Variants in KLHL29 observed in about 807,000 individuals in gnomAD.
The protein encoded by KLHL29 is kelch-like protein 29.
In KLHL29, 21 loss-of-function variants were observed where a neutral mutation model predicts 80.4. The ratio of observed to expected loss-of-function variants is 0.26; its 90% CI spans 0.19 to 0.38. KLHL29 has a LOEUF of 0.38. Among genes scored for constraint, KLHL29 ranks in the 10% least tolerant of loss-of-function variants. KLHL29 has a pLI of 1.00. For missense variants in KLHL29, 867 were observed against 1,223.9 expected, an observed-to-expected ratio of 0.71 and a Z score of 4.35; for synonymous variants, 511 against 526.8, an observed-to-expected ratio of 0.97 and a Z score of 0.41.
intron 1 of KLHL29, among the ~76,000 whole-genome samples, chr2:23,465,027 T>A (rs1433292225): frequency 2.6e-5 from 4 of 152,230 alleles, no homozygotes; most frequent in Non-Finnish European, 1.5e-5. Context: ...ACAGATCGCT[T>A]AATTTGCTTC....
chr2:23,439,486 G>A lies in KLHL29; in HGVS notation c.-153-36074G>A, dbSNP rs1292210244. 1.2e-4 allele frequency among the ~76,000 whole-genome samples: 18 copies of A among 150,042 alleles called. 1 individual carries two copies. The highest frequency in any genetic ancestry group is 3.4e-4 in the African/African-American group (14 of 40,704). ...TCCCTCTACACACTGCTTTGAATGT[G>A]TCCCAGAGATTCTGGTATGTTGTGT... On this transcript the variant is annotated intron_variant, in intron 1 of 13. Coordinates refer to ENST00000486442, the MANE Select transcript of KLHL29 (RefSeq NM_052920.2).
intron 1 of KLHL29, among the ~76,000 whole-genome samples, chr2:23,411,826 G>A (rs985381012): frequency 2.6e-5 from 4 of 152,104 alleles, no homozygotes; most frequent in African/African-American, 7.2e-5. Flanking sequence ...TCTAATCTGA[G>A]TCACTTAGGG....
chr2:23,646,026 G>C (rs1476357836), intron 5 of KLHL29, among the ~76,000 whole-genome samples: 1 of 149,822 alleles, frequency 6.7e-6, no homozygotes, highest in East Asian at 1.9e-4. Flanking sequence ...GAACAATTTG[G>C]GGGTGGGAGC....
intron 1 of KLHL29, among the ~76,000 whole-genome samples, chr2:23,426,584 G>T (rs765680055): frequency 6.6e-6 from 1 of 152,188 alleles, no homozygotes; most frequent in Non-Finnish European, 1.5e-5. Context: ...GCAAATAAAC[G>T]CCCAATCTGC....
At chr2:23,638,862 A>G (rs1351238391) in intron 3 of KLHL29, among the ~76,000 whole-genome samples, 7 of 152,148 alleles carry the variant, frequency 4.6e-5, no homozygotes, top group Non-Finnish European at 1.0e-4. Context: ...AGGTGGAGTG[A>G]GTGGCCACGG....
Position 23,693,342 on chromosome 2 carries a change from C to T in KLHL29, c.1356C>T (p.Tyr452=). 1 of 1,551,516 alleles carries T rather than the reference C, an allele frequency of 6.4e-7. No individual in the cohort carries two copies. The highest frequency in any genetic ancestry group is 8.7e-7 in the Non-Finnish European group (1 of 1,146,970). ...AGGCCATGCAGTGCAGCGAGCTCTA[C>T]CACATGGCCAAGGCCTTCGCGCTGC... The part of the protein sequence containing the change: ...MAEAMQCSEL[Y]HMAKAFALQI... The change falls in exon 8 of 14, where the codon TAC becomes TAT. Residue 452 remains tyrosine, a synonymous_variant. Coordinates refer to ENST00000486442, the MANE Select transcript of KLHL29 (RefSeq NM_052920.2).
chr2:23,671,151 G>A (rs1159595533), intron 5 of KLHL29, among the ~76,000 whole-genome samples: 2 of 151,612 alleles, frequency 1.3e-5, no homozygotes, highest in East Asian at 3.9e-4. Context: ...TAACTAAACT[G>A]ATTGTACTCC....
At chr2:23,541,193 G>A (rs957457618) in intron 2 of KLHL29, among the ~76,000 whole-genome samples, 1 of 152,270 alleles carries the variant, frequency 6.6e-6, no homozygotes, top group African/African-American at 2.4e-5. Flanking sequence ...CAAAGTATCT[G>A]AACAGATGTT....
At chr2:23,544,074 T>G (rs1356296006) in intron 2 of KLHL29, among the ~76,000 whole-genome samples, 1 of 152,190 alleles carries the variant, frequency 6.6e-6, no homozygotes, top group Non-Finnish European at 1.5e-5. Context: ...AATTCATTTC[T>G]TTGACATAAC....
intron 2 of KLHL29, among the ~76,000 whole-genome samples, chr2:23,557,741 A>G (rs969353526): frequency 1.3e-5 from 2 of 152,142 alleles, no homozygotes; most frequent in African/African-American, 2.4e-5. Flanking sequence ...GGCCGCCCTC[A>G]GTGCGTACCC....
At chr2:23,466,506 T>C (rs1327749794) in intron 1 of KLHL29, among the ~76,000 whole-genome samples, 1 of 152,222 alleles carries the variant, frequency 6.6e-6, no homozygotes, top group East Asian at 1.9e-4. Flanking sequence ...AAGAAGCAGA[T>C]GGCTAAATAT....
At chr2:23,549,186 G>T (rs1667059989) in intron 2 of KLHL29, among the ~76,000 whole-genome samples, 1 of 152,352 alleles carries the variant, frequency 6.6e-6, no homozygotes, top group African/African-American at 2.4e-5. Context: ...GCGGGGTGTG[G>T]TGCTCCTCGC....
intron 1 of KLHL29, among the ~76,000 whole-genome samples, chr2:23,448,729 C>G (rs1011836142): frequency 3.3e-5 from 5 of 152,198 alleles, no homozygotes; most frequent in Admixed American, 1.3e-4. Context: ...AGTTGGCATG[C>G]CTTTTGCTGC....
At chr2:23,412,215 T>C (rs181081022) in intron 1 of KLHL29, among the ~76,000 whole-genome samples, 87 of 151,520 alleles carry the variant, frequency 5.7e-4, no homozygotes, top group African/African-American at 2.1e-3. Context: ...TGGGGTGCTG[T>C]GGGCTTGTCG....
chr2:23,675,455 C>T (rs1446129073), intron 5 of KLHL29, among the ~76,000 whole-genome samples: 1 of 152,210 alleles, frequency 6.6e-6, no homozygotes, highest in Non-Finnish European at 1.5e-5. Flanking sequence ...CCCTTGACTC[C>T]TACTCTGAGC....
Position 23,642,755 on chromosome 2 carries a change from A to T in KLHL29, c.845A>T (p.Asn282Ile), listed in dbSNP as rs547025701. The T allele has an allele frequency of 1.6e-4, 241 of 1,550,208 alleles. No individual in the cohort carries two copies. In the African/African-American group the frequency reaches 3.2e-3, roughly 20 times the overall value. ...CTCCCCAGTGGTGCCCCTGCCACCA[A>T]TGGGCCCCCCACAACCGACTCGGCC... ...ATLPSGAPAT[N>I]GPPTTDSAHG... The change falls in exon 5 of 14, where the codon AAT becomes ATT. Residue 282 changes from asparagine (N) to isoleucine (I), a missense_variant. Coordinates refer to ENST00000486442, the MANE Select transcript of KLHL29 (RefSeq NM_052920.2).
At chr2:23,458,150 C>T (rs767569825) in intron 1 of KLHL29, among the ~76,000 whole-genome samples, 3 of 152,194 alleles carry the variant, frequency 2.0e-5, no homozygotes, top group Non-Finnish European at 4.4e-5. Flanking sequence ...AGAGAGGGCC[C>T]GTTTGAGTCA....
rs1206442761 is a variant in KLHL29, at chr2:23,691,848, C to T, written c.1254C>T (p.Thr418=). 2 of 1,551,296 alleles carry T rather than the reference C, an allele frequency of 1.3e-6. No individual in the cohort carries two copies. ...CGGCCAGCAAGTTCCAGTTCCACAC[C>T]TTCTGCAAAGTCTGCGTGTCCTTTC... ...LEAASKFQFH[T]FCKVCVSFLE... is the part of the protein sequence containing the mutation. Residue 418 remains threonine, a synonymous_variant, in exon 7 of 14, where the codon ACC becomes ACT. Coordinates refer to ENST00000486442, the MANE Select transcript of KLHL29 (RefSeq NM_052920.2).
chr2:23,673,289 A>C (rs1670820434), intron 5 of KLHL29, among the ~76,000 whole-genome samples: 1 of 136,246 alleles, frequency 7.3e-6, no homozygotes, highest in Non-Finnish European at 1.7e-5. Context: ...CTCCCACACC[A>C]CGTGCTCACA....
Sources: gnomAD v4.1 joint callset for allele counts (sites outside exome capture counted in the v4.1 genomes callset) on GRCh38, gnomAD v4.1.1 for gene constraint, MANE v1.5 for transcripts, NCBI Gene and HGNC (gene_info 2026-07-23, HGNC 2026-07-21) for gene names.